The following LRP2 variants were observed in gnomAD, a reference collection of about 807,000 sequenced individuals.
LRP2 encodes LDL receptor related protein 2.
LRP2 carries 172 observed loss-of-function variants against 531.0 expected under a neutral mutation model. The ratio of observed to expected loss-of-function variants is 0.32; its 90% CI spans 0.29 to 0.37. LRP2 has a LOEUF of 0.37. Among genes scored for constraint, LRP2 ranks in the 10% least tolerant of loss-of-function variants. LRP2 has a pLI of 1.00. For missense variants in LRP2, 5,167 were observed against 5,868.3 expected, an observed-to-expected ratio of 0.88 and a Z score of 3.90; for synonymous variants, 1,992 against 2,027.6, an observed-to-expected ratio of 0.98 and a Z score of 0.47.
At chr2:169,289,265 A>C in intron 8 of LRP2, 120 bp from the exon 9 acceptor site, 1 of 1,294,550 alleles carries the variant, frequency 7.7e-7, no homozygotes. Flanking sequence ...GTACAGAAAA[A>C]TCTGTCACCC....
At chr2:169,138,766 A>T in intron 74 of LRP2, 60 bp from the exon 75 acceptor site, 1 of 1,594,168 alleles carries the variant, frequency 6.3e-7, no homozygotes, top group Non-Finnish European at 8.6e-7. Flanking sequence ...CAAAAACAAC[A>T]AATACAACCT....
At chr2:169,319,562 C>T (rs1488375642) in intron 2 of LRP2, among the ~76,000 whole-genome samples, 1 of 152,130 alleles carries the variant, frequency 6.6e-6, no homozygotes, top group Non-Finnish European at 1.5e-5. Flanking sequence ...CATAGCTGTT[C>T]ACTTATTCCT....
At chr2:169,326,947 C>T (rs2105527203) in intron 1 of LRP2, among the ~76,000 whole-genome samples, 1 of 151,316 alleles carries the variant, frequency 6.6e-6, no homozygotes, top group East Asian at 2.0e-4. Flanking sequence ...GCCCAGCCGC[C>T]CCGTCTGAGA....
chr2:169,157,265 G>T, intron 64 of LRP2, 106 bp downstream of exon 64: 2 of 1,190,866 alleles, frequency 1.7e-6, no homozygotes, highest in Non-Finnish European at 2.4e-6. Flanking sequence ...CATGAGTATG[G>T]TACCATTAAG....
intron 1 of LRP2, among the ~76,000 whole-genome samples, chr2:169,345,289 T>C (rs563736501): frequency 6.6e-6 from 1 of 152,348 alleles, no homozygotes; most frequent in East Asian, 1.9e-4. Context: ...TATATGACTA[T>C]ACTGAAAGAG....
intron 31 of LRP2, among the ~76,000 whole-genome samples, chr2:169,229,943 T>TG (rs1276729917): frequency 4.6e-5 from 7 of 152,148 alleles, no homozygotes; most frequent in Non-Finnish European, 1.0e-4. Flanking sequence ...AACTTCTTGT[T>TG]GGGGAAAAAA....
chr2:169,232,386 T>C (rs937977726), intron 30 of LRP2, among the ~76,000 whole-genome samples: 4 of 152,232 alleles, frequency 2.6e-5, no homozygotes, highest in African/African-American at 9.6e-5. Context: ...CTAGATCCTA[T>C]ACATTTTTAT....
intron 10 of LRP2, among the ~76,000 whole-genome samples, chr2:169,282,105 C>A (rs1225805682): frequency 6.6e-6 from 1 of 152,010 alleles, no homozygotes; most frequent in African/African-American, 2.4e-5. Flanking sequence ...ATCCGCTGAA[C>A]CTAAAAGTTA....
intron 49 of LRP2, among the ~76,000 whole-genome samples, chr2:169,186,629 C>T (rs1280945440): frequency 6.6e-6 from 1 of 152,162 alleles, no homozygotes; most frequent in Non-Finnish European, 1.5e-5. Flanking sequence ...AATATCAGGC[C>T]AAGCTCTTCC....
chr2:169,311,331 G>A (rs954319501), intron 3 of LRP2, among the ~76,000 whole-genome samples: 4 of 152,016 alleles, frequency 2.6e-5, no homozygotes, highest in Non-Finnish European at 4.4e-5. Context: ...TTCTCTTGTG[G>A]GCATTTAGTG....
chr2:169,284,831 C>G (rs113953461), intron 9 of LRP2, among the ~76,000 whole-genome samples: 1 of 152,122 alleles, frequency 6.6e-6, no homozygotes, highest in Non-Finnish European at 1.5e-5. Flanking sequence ...CTCCCTCAAA[C>G]CCCCAGAATG....
intron 17 of LRP2, among the ~76,000 whole-genome samples, chr2:169,258,225 A>C (rs1396360176): frequency 6.6e-6 from 1 of 152,122 alleles, no homozygotes; most frequent in Non-Finnish European, 1.5e-5. Flanking sequence ...TTGAATACTG[A>C]CTGTTGCCTA....
Position 169,165,976 on chromosome 2 carries a change from C to A in LRP2, c.11714G>T (p.Gly3905Val), listed in dbSNP as rs369681378. The A allele has an allele frequency of 1.9e-5, 31 of 1,614,044 alleles. No individual in the cohort carries two copies. Among genetic ancestry groups the A allele is most frequent in the Non-Finnish European group, 2.5e-5 (29 of 1,179,922 alleles). ...RCIYSHEVCN[G>V]VDDCGDGTDE... ...AGTTCCATCTCCACAGTCATCCACA[C>A]CATTGCACACCTCATGACTATAAAT... The change falls in exon 62 of 79, where the codon GGT becomes GTT. Residue 3905 changes from glycine (G) to valine (V), a missense_variant. Physicochemically the swap from Gly to Val is moderately radical, Grantham distance 109 (BLOSUM62 -3). Coordinates refer to ENST00000649046, the MANE Select transcript of LRP2 (RefSeq NM_004525.3).
At chr2:169,315,342 T>C (rs780291383) in intron 3 of LRP2, among the ~76,000 whole-genome samples, 1 of 152,264 alleles carries the variant, frequency 6.6e-6, no homozygotes, top group South Asian at 2.1e-4. Flanking sequence ...ACAGGAATGA[T>C]AGAACCATCA....
At chr2:169,246,570 A>G (rs1202133272) in intron 21 of LRP2, 135 bp downstream of exon 21, 2 of 1,076,072 alleles carry the variant, frequency 1.9e-6, no homozygotes, top group African/African-American at 3.1e-5. Context: ...AAAAGCCTTC[A>G]AAGTGCATGT....
Position 169,174,241 on chromosome 2 carries a change from G to A in LRP2, c.10769-77C>T, listed in dbSNP as rs1039398118. 47 of 1,567,138 alleles carry A rather than the reference G, an allele frequency of 3.0e-5. No homozygotes were observed. In the East Asian group the frequency reaches 1.0e-3, roughly 34 times the overall value. Reference sequence around the variant, plus strand: ...CTCCTAATTGACATCAGTGAATCCTGGATAGCAGGATCATGATTTCTTTTT... The same window carrying A: ...CTCCTAATTGACATCAGTGAATCCTAGATAGCAGGATCATGATTTCTTTTT... On this transcript the variant is annotated intron_variant, in intron 55 of 78. Transcript: ENST00000649046.
chr2:169,259,057 G>A lies in LRP2; in HGVS notation c.2481C>T (p.Asn827=). The change falls in exon 17 of 79, where the codon AAC becomes AAT. Residue 827 remains asparagine, a synonymous_variant. Transcript: ENST00000649046. The stretch of plus-strand genomic sequence containing the variant: ...AAGGATGAACTACCACCGACCGTGG[G>A]TTATTTAAATACTGAACTACTGTGC... The part of the protein sequence containing the change: ...TRRTVVQYLN[N]PRSVVVHPFA... The A allele has an allele frequency of 6.2e-7, 1 of 1,613,252 alleles. No individual in the cohort carries two copies. The highest frequency in any genetic ancestry group is 8.5e-7 in the Non-Finnish European group (1 of 1,179,562).
At chr2:169,173,008 A>G in intron 57 of LRP2, 88 bp downstream of exon 57, 1 of 1,445,076 alleles carries the variant, frequency 6.9e-7, no homozygotes, top group Non-Finnish European at 9.7e-7. Flanking sequence ...ATGACATGGG[A>G]AATACACTCT....
intron 50 of LRP2, among the ~76,000 whole-genome samples, chr2:169,183,873 G>A (rs1393645077): frequency 1.3e-5 from 2 of 152,116 alleles, no homozygotes; most frequent in African/African-American, 4.8e-5. Context: ...TCTAATTTCA[G>A]TGTAGCTAGT....
Sources: gnomAD v4.1 joint callset for allele counts (sites outside exome capture counted in the v4.1 genomes callset) on GRCh38, gnomAD v4.1.1 for gene constraint, MANE v1.5 for transcripts, NCBI Gene and HGNC (gene_info 2026-07-23, HGNC 2026-07-21) for gene names.